Variants in PCBP3 observed in about 807,000 individuals in gnomAD.
PCBP3 encodes the protein poly(rC)-binding protein 3.
Under a neutral mutation model 52.7 loss-of-function variants are expected in PCBP3, and 25 were observed. The ratio of observed to expected loss-of-function variants is 0.47; its 90% confidence interval spans 0.35 to 0.66. The LOEUF is 0.66. Ranked by LOEUF, PCBP3 falls within the 30% of genes least tolerant of loss-of-function variation. PCBP3 has a pLI of 0.01. For synonymous variants in PCBP3, 162 were observed against 183.0 expected, an observed-to-expected ratio of 0.89 and a Z score of 0.93; for missense variants, 391 against 490.3, an observed-to-expected ratio of 0.80 and a Z score of 1.91.
chr21:45,908,395 G>C lies in PCBP3; in HGVS notation c.340-960G>C, dbSNP rs187843270. ...TGTGTGGGTCAAAGTCAAGCTCTCA[G>C]CACAAAAAATAGACAAAGGGGACAC... On this transcript the variant is annotated intron_variant, in intron 9 of 17. Transcript: ENST00000681687. Among the ~76,000 whole-genome samples the C allele has an allele frequency of 1.6e-3, 244 of 152,282 alleles. 4 individuals carry two copies. Among genetic ancestry groups the C allele is most frequent in the Non-Finnish European group, 3.2e-4 (22 of 68,010 alleles).
rs1414015057 is a variant in PCBP3 at position 45,671,546 on chromosome 21, CATCT to C, written c.-200+2598_-200+2601del. Among the ~76,000 whole-genome samples, 6 of 152,292 alleles carry C rather than the reference CATCT, an allele frequency of 3.9e-5. No individual in the cohort carries two copies. In the South Asian group the frequency reaches 1.2e-3, roughly 32 times the overall value. On this transcript the variant is annotated intron_variant, in intron 2 of 17. Coordinates refer to ENST00000681687, the MANE Select transcript of PCBP3 (RefSeq NM_001384156.1). ...ATCCCATGGGCAAGTATTATGAAGG[CATCT>C]ATCAATGTTTTCTAAGCAAAGGCCA...
At chr21:45,893,121 C>G (rs759032832) in intron 5 of PCBP3, among the ~76,000 whole-genome samples, 1 of 151,900 alleles carries the variant, frequency 6.6e-6, no homozygotes, top group Non-Finnish European at 1.5e-5. Context: ...GGAGAAGTGC[C>G]GGGGGCTTTT....
intron 6 of PCBP3, among the ~76,000 whole-genome samples, chr21:45,897,438 G>A (rs1188251718): frequency 3.3e-5 from 5 of 152,220 alleles, no homozygotes; most frequent in African/African-American, 4.8e-5. Context: ...CGTGGCAGCA[G>A]CTCTGTCCCG....
At chr21:45,912,089 G>C (rs555841843) in intron 11 of PCBP3, among the ~76,000 whole-genome samples, 2 of 152,188 alleles carry the variant, frequency 1.3e-5, no homozygotes, top group East Asian at 3.9e-4. Context: ...TCTCGTCAGC[G>C]TCACCCAGTG....
intron 4 of PCBP3, among the ~76,000 whole-genome samples, chr21:45,775,059 A>T (rs2090151224): frequency 6.6e-6 from 1 of 152,032 alleles, no homozygotes; most frequent in Non-Finnish European, 1.5e-5. Flanking sequence ...TCTCTTTGAT[A>T]TTTTGGAGTA....
intron 2 of PCBP3, among the ~76,000 whole-genome samples, chr21:45,699,051 T>G (rs911925984): frequency 6.6e-6 from 1 of 152,190 alleles, no homozygotes; most frequent in Non-Finnish European, 1.5e-5. Flanking sequence ...GCTTGCTCAT[T>G]AACGTCACCT....
chr21:45,756,240 G>A (rs9978078), intron 4 of PCBP3, among the ~76,000 whole-genome samples: 3 of 151,988 alleles, frequency 2.0e-5, no homozygotes, highest in East Asian at 1.9e-4. Flanking sequence ...ACCAGACAGC[G>A]ATCTGTGCTG....
At chr21:45,756,204 T>G (rs2088025047) in intron 4 of PCBP3, among the ~76,000 whole-genome samples, 1 of 152,202 alleles carries the variant, frequency 6.6e-6, no homozygotes, top group Admixed American at 6.5e-5. Flanking sequence ...TCTGTTATCT[T>G]CTTCACTGGT....
chr21:45,747,896 C>T (rs1377945702), intron 3 of PCBP3: 2 of 152,274 alleles, frequency 1.3e-5, no homozygotes, highest in African/African-American at 4.8e-5. Context: ...TTGCTTTTTT[C>T]CCTCTCACCG....
Position 45,643,786 on chromosome 21 carries a change from C to A in PCBP3, c.-361C>A. On this transcript the variant is annotated 5_prime_UTR_variant, in exon 1 of 18. Coordinates refer to ENST00000681687, the MANE Select transcript of PCBP3 (RefSeq NM_001384156.1). ...GCTGACTTAGGCTCCGCCGCCGCCT[C>A]CTCACCCGCCTCGCCCCGACCCCGC... 6.7e-6 allele frequency: 1 copy of A among 148,498 alleles called. No individual in the cohort carries two copies. The highest frequency in any genetic ancestry group is 2.0e-4 in the South Asian group (1 of 4,886). 9.2% of individuals were successfully genotyped at this position (148,498 alleles called of 1,614,324 possible).
At chr21:45,739,457 C>A (rs1235855904) in intron 3 of PCBP3, among the ~76,000 whole-genome samples, 2 of 143,832 alleles carry the variant, frequency 1.4e-5, no homozygotes, top group African/African-American at 5.2e-5. Context: ...ATCAGCCCAC[C>A]ACTTCCTGTT....
intron 2 of PCBP3, among the ~76,000 whole-genome samples, chr21:45,707,733 A>G (rs1037576654): frequency 3.3e-5 from 5 of 152,172 alleles, no homozygotes; most frequent in African/African-American, 1.2e-4. Context: ...TAATATCCAA[A>G]TAGTGGAGGT....
At chr21:45,662,678 A>G (rs1347888985) in intron 1 of PCBP3, among the ~76,000 whole-genome samples, 1 of 152,120 alleles carries the variant, frequency 6.6e-6, no homozygotes, top group Non-Finnish European at 1.5e-5. Flanking sequence ...CCCGCTCTAC[A>G]ATCATAACCT....
chr21:45,866,578 T>C (rs2094734052), intron 5 of PCBP3, among the ~76,000 whole-genome samples: 1 of 151,966 alleles, frequency 6.6e-6, no homozygotes, highest in Non-Finnish European at 1.5e-5. Flanking sequence ...AGGGTCTGTG[T>C]CTCTGGGGCA....
intron 2 of PCBP3, among the ~76,000 whole-genome samples, chr21:45,726,318 A>T (rs1473478856): frequency 6.6e-6 from 1 of 152,150 alleles, no homozygotes; most frequent in African/African-American, 2.4e-5. Flanking sequence ...TTAGGAAATT[A>T]TCAGCAGAGA....
Position 45,790,139 on chromosome 21 carries a change from CAAA to C in PCBP3, c.-126+34694_-126+34696del, listed in dbSNP as rs765381630. 1.1e-4 allele frequency among the ~76,000 whole-genome samples: 17 copies of C among 150,068 alleles called. No individual in the cohort carries two copies. In the South Asian group the frequency reaches 1.7e-3, roughly 15 times the overall value. On this transcript the variant is annotated intron_variant, in intron 4 of 17. Coordinates refer to ENST00000681687, the MANE Select transcript of PCBP3 (RefSeq NM_001384156.1). The stretch of plus-strand genomic sequence containing the variant: ...TGGGCGACTGAGTGAGACTCCGTCT[CAAA>C]AAAAAAGAAAAAGAATAGTCTCTCA...
chr21:45,688,792 TACAAC>T (rs972050684), intron 2 of PCBP3, among the ~76,000 whole-genome samples: 1 of 151,846 alleles, frequency 6.6e-6, no homozygotes, highest in Non-Finnish European at 1.5e-5. Context: ...TTACAGATCT[TACAAC>T]ACTGAAAAGG....
intron 1 of PCBP3, among the ~76,000 whole-genome samples, chr21:45,646,107 C>CTCTGTGTGTGTGTG (rs1555895746): frequency 0.015 from 1,253 of 83,782 alleles, 16 homozygotes; most frequent in Non-Finnish European, 0.021. Context: ...CTCTCTCTCT[C>CTCTGTGTGTGTGTG]TGTGTGTGTG....
chr21:45,667,601 C>T (rs570572187), intron 1 of PCBP3, among the ~76,000 whole-genome samples: 1 of 152,158 alleles, frequency 6.6e-6, no homozygotes, highest in South Asian at 2.1e-4. Flanking sequence ...TTAGACATGG[C>T]TTCCTTTAGT....
Sources: allele counts gnomAD v4.1 joint callset (sites outside exome capture counted in the v4.1 genomes callset), GRCh38; gene constraint gnomAD v4.1.1; transcripts MANE v1.5; gene names NCBI Gene and HGNC (gene_info 2026-07-23, HGNC 2026-07-21).